LRP1B: variants seen among roughly 807,000 people sequenced by gnomAD.
LRP1B encodes low-density lipoprotein receptor-related protein 1B.
LRP1B carries 217 observed loss-of-function variants against 556.6 expected under a neutral mutation model. The ratio of observed to expected loss-of-function variants is 0.39; its 90% confidence interval spans 0.35 to 0.44. The LOEUF is 0.44. Ranked by LOEUF, LRP1B falls within the 20% of genes least tolerant of loss-of-function variation. The pLI is 1.00. For missense variants in LRP1B, 5,053 were observed against 5,620.8 expected (o/e 0.90, Z 3.23); for synonymous variants, 2,047 against 1,865.8 (o/e 1.10, Z -2.50).
chr2:141,615,957 A>G (rs893888234), intron 2 of LRP1B, among the ~76,000 whole-genome samples: 1 of 152,202 alleles, frequency 6.6e-6, no homozygotes, highest in Non-Finnish European at 1.5e-5. Context: ...TTTATTCTTA[A>G]GTTAATCAAA....
intron 2 of LRP1B, among the ~76,000 whole-genome samples, chr2:141,639,987 A>C (rs1370420805): frequency 6.6e-6 from 1 of 152,220 alleles, no homozygotes; most frequent in African/African-American, 2.4e-5. Flanking sequence ...CTCATGTTAA[A>C]GTATTCCCTT....
At chr2:141,156,603 G>A (rs558748573) in intron 7 of LRP1B, among the ~76,000 whole-genome samples, 17 of 150,472 alleles carry the variant, frequency 1.1e-4, no homozygotes, top group South Asian at 1.1e-3. Flanking sequence ...ACTCCATCCC[G>A]GGCGACAGGG....
In LRP1B at chr2:140,409,110, C is replaced by T. The variant is rs13005813; in HGVS notation, c.10415-23101G>A. Reference sequence around the variant, plus strand: ...TTAAAAATGGAGATTTGAAGGATTGCTAAAGGATTACAACATAGAGAAATC... The same window carrying T: ...TTAAAAATGGAGATTTGAAGGATTGTTAAAGGATTACAACATAGAGAAATC... On this transcript the variant is annotated intron_variant, in intron 66 of 90. Transcript: ENST00000389484. Among the ~76,000 whole-genome samples, 387 of 152,014 alleles carry T rather than the reference C, an allele frequency of 2.5e-3. 1 individual carries two copies. Among genetic ancestry groups the T allele is most frequent in the Non-Finnish European group, 4.8e-3 (327 of 67,836 alleles).
chr2:141,066,303 T>A (rs1558836501), intron 7 of LRP1B, among the ~76,000 whole-genome samples: 1 of 152,006 alleles, frequency 6.6e-6, no homozygotes, highest in Non-Finnish European at 1.5e-5. Flanking sequence ...TTTGTGATTA[T>A]ATGAGCAGCC....
intron 7 of LRP1B, among the ~76,000 whole-genome samples, chr2:141,163,176 T>TA (rs1380627107): frequency 6.6e-6 from 1 of 152,106 alleles, no homozygotes; most frequent in Non-Finnish European, 1.5e-5. Flanking sequence ...ACCACACAAA[T>TA]AGACTACCTA....
chr2:140,491,049 T>C (rs1288946454), intron 57 of LRP1B, among the ~76,000 whole-genome samples: 2 of 152,076 alleles, frequency 1.3e-5, no homozygotes, highest in African/African-American at 2.4e-5. Context: ...TTATGTGAAA[T>C]AGACTTAAAT....
intron 43 of LRP1B, among the ~76,000 whole-genome samples, chr2:140,563,299 AG>A (rs1214345930): frequency 6.6e-6 from 1 of 152,218 alleles, no homozygotes; most frequent in Admixed American, 6.5e-5. Context: ...GAGAGATATT[AG>A]AGATTACTAA....
At chr2:141,111,651 T>C (rs1490770863) in intron 7 of LRP1B, among the ~76,000 whole-genome samples, 2 of 152,248 alleles carry the variant, frequency 1.3e-5, no homozygotes, top group East Asian at 3.9e-4. Flanking sequence ...AATCCAGCCC[T>C]ATCAGCTTGT....
At chr2:141,236,148 CT>C (rs1683640199) in intron 5 of LRP1B, among the ~76,000 whole-genome samples, 1 of 151,878 alleles carries the variant, frequency 6.6e-6, no homozygotes, top group African/African-American at 2.4e-5. Context: ...TATGTTTTTG[CT>C]TTTATTTGGG....
chr2:141,622,122 C>T (rs532736597), intron 2 of LRP1B, among the ~76,000 whole-genome samples: 11 of 152,194 alleles, frequency 7.2e-5, no homozygotes, highest in East Asian at 5.8e-4. Flanking sequence ...AACTCCCGAC[C>T]GCAGGTGATC....
chr2:140,569,463 A>G (rs991005491), intron 43 of LRP1B, among the ~76,000 whole-genome samples: 6 of 151,928 alleles, frequency 3.9e-5, no homozygotes, highest in African/African-American at 2.4e-5. Context: ...GTGAAAAGAG[A>G]CAAAGAAGGT....
chr2:140,698,064 T>A (rs896733710), intron 41 of LRP1B, among the ~76,000 whole-genome samples: 27 of 151,256 alleles, frequency 1.8e-4, no homozygotes, highest in Non-Finnish European at 2.4e-4. Context: ...TAAAATGGTT[T>A]TTTTTTTTAA....
intron 86 of LRP1B, among the ~76,000 whole-genome samples, chr2:140,250,217 C>T (rs1681347836): frequency 6.6e-6 from 1 of 151,722 alleles, no homozygotes; most frequent in African/African-American, 2.4e-5. Context: ...CAGACGTTTC[C>T]CACTGCCCTT....
At chr2:140,284,461 T>C (rs573161087) in intron 84 of LRP1B, among the ~76,000 whole-genome samples, 93 of 151,714 alleles carry the variant, frequency 6.1e-4, no homozygotes, top group African/African-American at 2.2e-3. Flanking sequence ...AGGAAAGTTA[T>C]TGTCATCATG....
At chr2:142,000,322 A>C (rs1316683196) in intron 1 of LRP1B, among the ~76,000 whole-genome samples, 1 of 152,274 alleles carries the variant, frequency 6.6e-6, no homozygotes, top group African/African-American at 2.4e-5. Context: ...TGAGGCACCT[A>C]CTAAAGTGGC....
At chr2:141,125,856 A>AAAAC (rs1701192025) in intron 7 of LRP1B, among the ~76,000 whole-genome samples, 3 of 137,204 alleles carry the variant, frequency 2.2e-5, no homozygotes, top group South Asian at 4.4e-4. Flanking sequence ...AAAAAAAAAA[A>AAAAC]AAAAACAAAA....
chr2:141,973,429 A>T (rs1232481934), intron 1 of LRP1B, among the ~76,000 whole-genome samples: 1 of 151,772 alleles, frequency 6.6e-6, no homozygotes. Context: ...TCATATGTAT[A>T]TGTATGTGTA....
intron 1 of LRP1B, among the ~76,000 whole-genome samples, chr2:142,090,414 T>C (rs1706123537): frequency 6.6e-6 from 1 of 152,012 alleles, no homozygotes; most frequent in African/African-American, 2.4e-5. Context: ...ACCGCAATAC[T>C]CTCTCTTCTC....
At chr2:141,937,825 G>T (rs1360651821) in intron 1 of LRP1B, among the ~76,000 whole-genome samples, 1 of 152,126 alleles carries the variant, frequency 6.6e-6, no homozygotes, top group African/African-American at 2.4e-5. Flanking sequence ...CAGTTTCAGA[G>T]ATTACATTTA....
Sources: allele counts gnomAD v4.1 joint callset (sites outside exome capture counted in the v4.1 genomes callset), GRCh38; gene constraint gnomAD v4.1.1; transcripts MANE v1.5; gene names NCBI Gene and HGNC (gene_info 2026-07-23, HGNC 2026-07-21).